The following ASTN2 variants were observed in gnomAD, a reference collection of about 807,000 sequenced individuals.
ASTN2 encodes astrotactin 2.
A neutral mutation model predicts 139.8 loss-of-function variants in ASTN2; 54 were observed. The ratio of observed to expected loss-of-function variants is 0.39; its 90% CI spans 0.31 to 0.48. The LOEUF (loss-of-function observed/expected upper bound fraction) is 0.48. Among genes scored for constraint, ASTN2 ranks in the 20% least tolerant of loss-of-function variants. The pLI is 0.95. For synonymous variants in ASTN2, 756 were observed against 719.5 expected (o/e 1.05, Z -0.81); for missense variants, 1,565 against 1,725.1 (o/e 0.91, Z 1.64).
At chr9:117,034,057 T>G (rs966450308) in intron 6 of ASTN2, among the ~76,000 whole-genome samples, 1 of 152,160 alleles carries the variant, frequency 6.6e-6, no homozygotes, top group African/African-American at 2.4e-5. Context: ...ATCCTCTCAC[T>G]TGAATAACTT....
At chr9:116,935,326 G>C (rs530001306) in intron 10 of ASTN2, among the ~76,000 whole-genome samples, 1 of 152,304 alleles carries the variant, frequency 6.6e-6, no homozygotes, top group South Asian at 2.1e-4. Flanking sequence ...TAAAATAGCT[G>C]TGTGACCTTG....
chr9:116,500,808 C>G (rs541916394), intron 19 of ASTN2, among the ~76,000 whole-genome samples: 1 of 152,112 alleles, frequency 6.6e-6, no homozygotes, highest in African/African-American at 2.4e-5. Flanking sequence ...CATTGCCTTG[C>G]GTATGGTAAA....
chr9:117,153,854 T>C (rs1250784801), intron 3 of ASTN2, among the ~76,000 whole-genome samples: 2 of 152,114 alleles, frequency 1.3e-5, no homozygotes, highest in African/African-American at 4.8e-5. Context: ...GAGCTATGCT[T>C]GCCGAATGAA....
At chr9:116,733,297 G>T in intron 14 of ASTN2, 102 bp downstream of exon 14, 1 of 1,483,262 alleles carries the variant, frequency 6.7e-7, no homozygotes, top group Non-Finnish European at 9.2e-7. Context: ...GAGGAGGCTT[G>T]ACAGAGCCCA....
intron 2 of ASTN2, among the ~76,000 whole-genome samples, chr9:117,230,122 A>T (rs1391813158): frequency 1.3e-5 from 2 of 151,940 alleles, no homozygotes; most frequent in African/African-American, 4.8e-5. Context: ...ATCTTAAAAA[A>T]AAAAAAAAGC....
chr9:116,655,422 A>C (rs563755088), intron 16 of ASTN2, among the ~76,000 whole-genome samples: 1 of 152,352 alleles, frequency 6.6e-6, no homozygotes, highest in East Asian at 1.9e-4. Context: ...AGCATGTAGA[A>C]AATGTGGGAT....
At chr9:116,832,454 T>C (rs1831842064) in intron 11 of ASTN2, among the ~76,000 whole-genome samples, 1 of 152,148 alleles carries the variant, frequency 6.6e-6, no homozygotes, top group Non-Finnish European at 1.5e-5. Flanking sequence ...TTGGAGAAAG[T>C]ATTCAGTCTT....
intron 10 of ASTN2, among the ~76,000 whole-genome samples, chr9:116,967,098 C>G (rs1836032509): frequency 1.3e-5 from 2 of 152,118 alleles, no homozygotes; most frequent in African/African-American, 2.4e-5. Flanking sequence ...TGTGAGGAGT[C>G]AAAATGAAAA....
chr9:116,651,074 AC>A (rs1857884555), intron 17 of ASTN2, among the ~76,000 whole-genome samples: 1 of 145,558 alleles, frequency 6.9e-6, no homozygotes, highest in Non-Finnish European at 1.5e-5. Flanking sequence ...CTGCCACCAC[AC>A]CTGGCGAATC....
At position 117,125,831 on chromosome 9, in the gene ASTN2, G is replaced by T. The variant is rs201524369; in HGVS notation, c.1168+15495C>A. ...CCAAAAGGATCATTTCATTGCGGCG[G>T]GGGGGGGAATTGGATTGCAAAGGAT... On this transcript the variant is annotated intron_variant, in intron 4 of 22. Coordinates refer to ENST00000313400, the MANE Select transcript of ASTN2 (RefSeq NM_001365068.1). 3.3e-3 allele frequency among the ~76,000 whole-genome samples: 499 copies of T among 151,470 alleles called. 9 individuals are homozygous for T. In the East Asian group the frequency reaches 0.055, roughly 17 times the overall value.
At chr9:116,516,974 G>C (rs10983211) in intron 19 of ASTN2, among the ~76,000 whole-genome samples, 30,821 of 152,146 alleles carry the variant, frequency 0.2, 3,268 homozygotes, top group Non-Finnish European at 0.23. Context: ...CCCCACACAA[G>C]GACAGGCTGA....
chr9:117,060,398 G>T (rs1444349656), intron 5 of ASTN2, among the ~76,000 whole-genome samples: 3 of 75,792 alleles, frequency 4.0e-5, no homozygotes, highest in African/African-American at 2.0e-4. Context: ...AAGAAAGAAA[G>T]AAAGAAAGAA....
intron 4 of ASTN2, among the ~76,000 whole-genome samples, chr9:117,112,115 T>C (rs1829265967): frequency 6.6e-6 from 1 of 151,992 alleles, no homozygotes; most frequent in African/African-American, 2.4e-5. Flanking sequence ...ATGAAAACAA[T>C]GTAACACTGT....
At chr9:116,487,333 A>T (rs773214659) in intron 20 of ASTN2, 26 bp downstream of exon 20, 19 of 1,610,726 alleles carry the variant, frequency 1.2e-5, no homozygotes, top group Non-Finnish European at 1.5e-5. Context: ...CTGCCTCATG[A>T]TCCCCACACA....
intron 19 of ASTN2, among the ~76,000 whole-genome samples, chr9:116,538,365 C>A (rs1219789525): frequency 6.6e-6 from 1 of 151,788 alleles, no homozygotes; most frequent in African/African-American, 2.4e-5. Flanking sequence ...AGGAAGGAAA[C>A]AAGGAAGGAA....
chr9:117,087,538 T>A (rs1306915472), intron 5 of ASTN2, among the ~76,000 whole-genome samples: 1 of 152,184 alleles, frequency 6.6e-6, no homozygotes, highest in Non-Finnish European at 1.5e-5. Context: ...ACTATTGTTT[T>A]TCTAGAAGGC....
At position 116,425,601 on chromosome 9, in the gene ASTN2, A is replaced by G; in HGVS notation, c.*250T>C. ...CCATAAGAAAAGGTTTAAAAAGGAGAGACTTTTGATAGAGTCAAATAATAT... is the reference window on the plus strand; with the variant it reads ...CCATAAGAAAAGGTTTAAAAAGGAGGGACTTTTGATAGAGTCAAATAATAT... On this transcript the variant is annotated 3_prime_UTR_variant, in exon 23 of 23. Coordinates refer to ENST00000313400, the MANE Select transcript of ASTN2 (RefSeq NM_001365068.1). 1 of 1,613,360 alleles carries G rather than the reference A, an allele frequency of 6.2e-7. No homozygotes were observed. The highest frequency in any genetic ancestry group is 8.5e-7 in the Non-Finnish European group (1 of 1,179,846).
chr9:116,611,343 A>G (rs945850637), intron 19 of ASTN2: 4 of 152,204 alleles, frequency 2.6e-5, no homozygotes, highest in Admixed American at 2.0e-4. Flanking sequence ...CTCAGCTACC[A>G]TTTCAAAAAT....
At chr9:116,513,869 C>A (rs529292070) in intron 19 of ASTN2, among the ~76,000 whole-genome samples, 7 of 152,094 alleles carry the variant, frequency 4.6e-5, no homozygotes, top group South Asian at 2.1e-4. Flanking sequence ...TTAAGGACTT[C>A]TCTGCATTGG....
Sources: gnomAD v4.1 joint callset for allele counts (sites outside exome capture counted in the v4.1 genomes callset) on GRCh38, gnomAD v4.1.1 for gene constraint, MANE v1.5 for transcripts, NCBI Gene and HGNC (gene_info 2026-07-23, HGNC 2026-07-21) for gene names.